The following STXBP6 variants were observed in gnomAD, a reference collection of about 807,000 sequenced individuals.
STXBP6 encodes syntaxin binding protein 6.
STXBP6 carries 21 observed loss-of-function variants against 26.9 expected under a neutral mutation model. The observed-to-expected ratio is 0.78, with a 90% CI of 0.55 to 1.12. The LOEUF (loss-of-function observed/expected upper bound fraction) is 1.12. STXBP6 is among the 50% of genes most tolerant of loss of function. The pLI, the probability that STXBP6 is intolerant of heterozygous loss-of-function variation, is 0.00. For synonymous variants in STXBP6, 97 were observed against 92.6 expected (o/e 1.05, Z -0.27); for missense variants, 232 against 257.9 (o/e 0.90, Z 0.69).
chr14:25,000,852 C>T lies in STXBP6; in HGVS notation c.-32-26002G>A, dbSNP rs74750318. Among the ~76,000 whole-genome samples the T allele has an allele frequency of 4.0e-3, 610 of 151,328 alleles. 15 individuals are homozygous for T. The East Asian group carries it at 0.042, about 10-fold the overall frequency. On this transcript the variant is annotated intron_variant, in intron 1 of 5. Coordinates refer to ENST00000323944, the MANE Select transcript of STXBP6 (RefSeq NM_001394410.1). Reference sequence around the variant, plus strand: ...TGAGTTTCCCTACTCAACCTGTTAGCATTAGATCTTACCCTTTTTGTCCAG... The same window carrying T: ...TGAGTTTCCCTACTCAACCTGTTAGTATTAGATCTTACCCTTTTTGTCCAG...
At chr14:24,875,783 G>A (rs550902527) in intron 2 of STXBP6, among the ~76,000 whole-genome samples, 2 of 152,276 alleles carry the variant, frequency 1.3e-5, no homozygotes, top group East Asian at 3.9e-4. Context: ...TTTACTGTGT[G>A]CATACTGAAG....
intron 2 of STXBP6, among the ~76,000 whole-genome samples, chr14:24,906,007 T>C (rs2071374262): frequency 6.6e-6 from 1 of 152,180 alleles, no homozygotes; most frequent in Non-Finnish European, 1.5e-5. Context: ...CATGCAGGAA[T>C]ACACATAGAA....
At chr14:24,851,848 A>G (rs191779586) in intron 4 of STXBP6, among the ~76,000 whole-genome samples, 15 of 152,194 alleles carry the variant, frequency 9.9e-5, no homozygotes, top group African/African-American at 3.1e-4. Flanking sequence ...GGCCTTGACA[A>G]AGTCATTCAA....
intron 2 of STXBP6, among the ~76,000 whole-genome samples, chr14:24,871,826 T>C (rs1412720754): frequency 1.3e-5 from 2 of 152,282 alleles, no homozygotes; most frequent in Non-Finnish European, 2.9e-5. Context: ...GATCAAAACA[T>C]TCACCTGACT....
intron 2 of STXBP6, among the ~76,000 whole-genome samples, chr14:24,964,036 T>A (rs2073642804): frequency 6.8e-6 from 1 of 147,394 alleles, no homozygotes; most frequent in Non-Finnish European, 1.5e-5. Context: ...AGTGAACGTG[T>A]GAGCTCAAAC....
chr14:25,000,945 T>A (rs778098864), intron 1 of STXBP6, among the ~76,000 whole-genome samples: 10 of 152,060 alleles, frequency 6.6e-5, no homozygotes, highest in Non-Finnish European at 1.3e-4. Flanking sequence ...TTCCCCTCTA[T>A]CTTTGGGTCT....
At chr14:24,976,966 G>A (rs2074064731) in intron 1 of STXBP6, among the ~76,000 whole-genome samples, 2 of 143,550 alleles carry the variant, frequency 1.4e-5, no homozygotes, top group Admixed American at 1.5e-4. Flanking sequence ...CGGTTCAATC[G>A]ATTCTACTGC....
At chr14:24,912,551 A>G (rs954356686) in intron 2 of STXBP6, among the ~76,000 whole-genome samples, 1 of 152,108 alleles carries the variant, frequency 6.6e-6, no homozygotes, top group Admixed American at 6.6e-5. Flanking sequence ...AGATCTATCC[A>G]TTTAAAAATC....
intron 2 of STXBP6, among the ~76,000 whole-genome samples, chr14:24,923,085 G>C (rs1042210079): frequency 2.0e-5 from 3 of 151,948 alleles, no homozygotes; most frequent in African/African-American, 4.8e-5. Flanking sequence ...ATGTCTCCAT[G>C]CATCTATTTG....
intron 1 of STXBP6, among the ~76,000 whole-genome samples, chr14:25,042,711 G>A (rs1213193578): frequency 6.6e-6 from 1 of 152,132 alleles, no homozygotes; most frequent in African/African-American, 2.4e-5. Flanking sequence ...CTGCATCAGG[G>A]AGAGCTTGTT....
At chr14:25,002,742 G>A (rs886441220) in intron 1 of STXBP6, among the ~76,000 whole-genome samples, 5 of 151,658 alleles carry the variant, frequency 3.3e-5, no homozygotes, top group Admixed American at 1.3e-4. Context: ...CAACAAGTCA[G>A]CACTGAAATG....
intron 2 of STXBP6, among the ~76,000 whole-genome samples, chr14:24,920,018 G>T (rs2071923923): frequency 6.6e-6 from 1 of 151,994 alleles, no homozygotes; most frequent in Non-Finnish European, 1.5e-5. Flanking sequence ...GCTTTCCAGA[G>T]GTTTTGATAT....
At chr14:24,887,015 T>C (rs915132812) in intron 2 of STXBP6, among the ~76,000 whole-genome samples, 2 of 152,198 alleles carry the variant, frequency 1.3e-5, no homozygotes, top group African/African-American at 4.8e-5. Context: ...GAATTTCATC[T>C]AGCTTCTGTC....
chr14:25,027,497 C>T (rs557510625), intron 1 of STXBP6, among the ~76,000 whole-genome samples: 72 of 152,230 alleles, frequency 4.7e-4, no homozygotes, highest in African/African-American at 1.6e-3. Flanking sequence ...TCTATCCCTT[C>T]GTCTGAACTC....
At chr14:25,029,320 A>G (rs1436905734) in intron 1 of STXBP6, among the ~76,000 whole-genome samples, 1 of 152,156 alleles carries the variant, frequency 6.6e-6, no homozygotes, top group African/African-American at 2.4e-5. Flanking sequence ...CACCATTCTG[A>G]CCAGGCAGCA....
At chr14:24,996,589 A>C (rs1044039002) in intron 1 of STXBP6, among the ~76,000 whole-genome samples, 18 of 151,948 alleles carry the variant, frequency 1.2e-4, no homozygotes, top group Non-Finnish European at 2.4e-4. Context: ...AAAAGGCTCA[A>C]GCCTGTAATC....
At chr14:24,926,399 C>G (rs1450338824) in intron 2 of STXBP6, among the ~76,000 whole-genome samples, 1 of 152,076 alleles carries the variant, frequency 6.6e-6, no homozygotes, top group African/African-American at 2.4e-5. Context: ...GGATCTCTCT[C>G]TGCCATGTAG....
At chr14:24,826,344 G>A (rs2068281666) in intron 4 of STXBP6, among the ~76,000 whole-genome samples, 1 of 152,124 alleles carries the variant, frequency 6.6e-6, no homozygotes. Context: ...ATGAGGTGAT[G>A]CGCAAGTGGG....
At chr14:24,815,666 G>C (rs1260589538) in intron 5 of STXBP6, 1 of 152,092 alleles carries the variant, frequency 6.6e-6, no homozygotes, top group Non-Finnish European at 1.5e-5. Flanking sequence ...TTTTCTGCAA[G>C]AAATGTCATC....
Sources: gnomAD v4.1 joint callset for allele counts (sites outside exome capture counted in the v4.1 genomes callset) on GRCh38, gnomAD v4.1.1 for gene constraint, MANE v1.5 for transcripts, NCBI Gene and HGNC (gene_info 2026-07-23, HGNC 2026-07-21) for gene names.